PEAK1: variants seen among roughly 807,000 people sequenced by gnomAD.
PEAK1 encodes the protein inactive tyrosine-protein kinase PEAK1.
Under a neutral mutation model 124.7 loss-of-function variants are expected in PEAK1, and 54 were observed. The observed-to-expected ratio is 0.43, with a 90% CI of 0.35 to 0.54. PEAK1 has a LOEUF of 0.54. Ranked by LOEUF, PEAK1 falls within the 20% of genes least tolerant of loss-of-function variation. The pLI, the probability that PEAK1 is intolerant of heterozygous loss-of-function variation, is 0.01. For synonymous variants in PEAK1, 719 were observed against 760.0 expected (o/e 0.95, Z 0.89); for missense variants, 2,046 against 2,134.5 (o/e 0.96, Z 0.82).
At chr15:77,207,889 T>C (rs1402925831) in intron 6 of PEAK1, among the ~76,000 whole-genome samples, 1 of 152,204 alleles carries the variant, frequency 6.6e-6, no homozygotes, top group Non-Finnish European at 1.5e-5. Context: ...CATTTCCAGT[T>C]AGGCTTCCAA....
intron 2 of PEAK1, among the ~76,000 whole-genome samples, chr15:77,358,493 A>AG (rs1377307594): frequency 6.6e-6 from 1 of 152,230 alleles, no homozygotes; most frequent in Non-Finnish European, 1.5e-5. Context: ...ATTTTATTTG[A>AG]ACTTTCTCTG....
chr15:77,192,767 T>C (rs1198038709), intron 6 of PEAK1, among the ~76,000 whole-genome samples: 1 of 152,122 alleles, frequency 6.6e-6, no homozygotes, highest in Non-Finnish European at 1.5e-5. Context: ...TCAAGGCCAT[T>C]GCTAATAAGA....
intron 8 of PEAK1, among the ~76,000 whole-genome samples, chr15:77,153,754 T>C (rs2054870696): frequency 6.6e-6 from 1 of 152,206 alleles, no homozygotes; most frequent in South Asian, 2.1e-4. Context: ...CCAGTAGTCA[T>C]TCAGGAGCAG....
intron 2 of PEAK1, chr15:77,337,836 C>CTAAGA: frequency 5.1e-6 from 5 of 985,164 alleles, no homozygotes; most frequent in Non-Finnish European, 6.0e-6. Flanking sequence ...TGCAATAGAG[C>CTAAGA]TAAGAAGAGC....
intron 6 of PEAK1, among the ~76,000 whole-genome samples, chr15:77,240,499 A>C (rs928734383): frequency 6.6e-6 from 1 of 151,840 alleles, no homozygotes; most frequent in Non-Finnish European, 1.5e-5. Flanking sequence ...TTGTGTCTTT[A>C]GTCTCAGCTA....
chr15:77,231,722 T>A (rs1413559968), intron 6 of PEAK1, among the ~76,000 whole-genome samples: 1 of 152,184 alleles, frequency 6.6e-6, no homozygotes, highest in African/African-American at 2.4e-5. Context: ...ATTAATTGCA[T>A]ATGAAATTGT....
At chr15:77,190,104 G>C (rs2152832245) in intron 6 of PEAK1, among the ~76,000 whole-genome samples, 1 of 152,192 alleles carries the variant, frequency 6.6e-6, no homozygotes, top group South Asian at 2.1e-4. Context: ...TTATTGTCTT[G>C]TGTTACTTTA....
At chr15:77,226,044 G>GATATATATAATATATA (rs57675196) in intron 6 of PEAK1, among the ~76,000 whole-genome samples, 1 of 44,998 alleles carries the variant, frequency 2.2e-5, no homozygotes, top group African/African-American at 6.8e-5. Context: ...AAAATAAAGG[G>GATATATATAATATATA]ATATATATAT....
At chr15:77,384,466 C>T (rs1459318866) in intron 1 of PEAK1, among the ~76,000 whole-genome samples, 1 of 152,056 alleles carries the variant, frequency 6.6e-6, no homozygotes, top group Non-Finnish European at 1.5e-5. Context: ...TTTAAATGTA[C>T]AAAGAAAACT....
chr15:77,417,938 A>G (rs2073021721), intron 1 of PEAK1: 12 of 974,654 alleles, frequency 1.2e-5, no homozygotes, highest in Non-Finnish European at 1.5e-5. Flanking sequence ...TCTCAGACTT[A>G]AATATTTACA....
At chr15:77,258,540 G>C (rs2061284349) in intron 5 of PEAK1, among the ~76,000 whole-genome samples, 1 of 152,100 alleles carries the variant, frequency 6.6e-6, no homozygotes, top group African/African-American at 2.4e-5. Context: ...TCTGTTATTG[G>C]TGTATAAGAA....
chr15:77,380,450 G>T (rs944628106), intron 1 of PEAK1, among the ~76,000 whole-genome samples: 1 of 151,970 alleles, frequency 6.6e-6, no homozygotes, highest in Admixed American at 6.6e-5. Context: ...TTATGTACGT[G>T]GTCCACTGTC....
chr15:77,253,864 C>T (rs2060999528), intron 5 of PEAK1, among the ~76,000 whole-genome samples: 8 of 152,114 alleles, frequency 5.3e-5, no homozygotes, highest in Middle Eastern at 3.4e-3. Flanking sequence ...TGCTCTTTTG[C>T]CCAGGCTCAA....
chr15:77,333,303 T>C (rs181262484), intron 2 of PEAK1: 1 of 970,390 alleles, frequency 1.0e-6, no homozygotes, highest in East Asian at 1.1e-4. Context: ...TTTTGTGTGT[T>C]ATTATTTGTT....
intron 9 of PEAK1, among the ~76,000 whole-genome samples, chr15:77,117,431 T>C (rs568008403): frequency 5.5e-4 from 84 of 152,344 alleles, no homozygotes; most frequent in African/African-American, 1.9e-3. Context: ...ATCTGTAAAC[T>C]ACAAAGTTGT....
intron 5 of PEAK1, among the ~76,000 whole-genome samples, chr15:77,276,665 A>C (rs1431290367): frequency 2.0e-5 from 3 of 152,172 alleles, no homozygotes; most frequent in African/African-American, 4.8e-5. Flanking sequence ...GGATGACAGG[A>C]GGAGGAAAAA....
At chr15:77,344,038 G>A (rs1424547154) in intron 2 of PEAK1, among the ~76,000 whole-genome samples, 4 of 151,988 alleles carry the variant, frequency 2.6e-5, no homozygotes, top group Non-Finnish European at 5.9e-5. Context: ...GAATGGTCTC[G>A]CCACCCTTGT....
chr15:77,342,792 C>A (rs1021239678), intron 2 of PEAK1, among the ~76,000 whole-genome samples: 2 of 152,138 alleles, frequency 1.3e-5, no homozygotes, highest in Non-Finnish European at 2.9e-5. Context: ...AACAGGATTT[C>A]TTTCCTTTCT....
intron 2 of PEAK1, among the ~76,000 whole-genome samples, chr15:77,323,044 C>A (rs538461412): frequency 6.6e-6 from 1 of 152,286 alleles, no homozygotes; most frequent in East Asian, 1.9e-4. Context: ...ACATGATTAT[C>A]TCAATAGATG....
Sources: gnomAD v4.1 joint callset for allele counts (sites outside exome capture counted in the v4.1 genomes callset) on GRCh38, gnomAD v4.1.1 for gene constraint, MANE v1.5 for transcripts, NCBI Gene and HGNC (gene_info 2026-07-23, HGNC 2026-07-21) for gene names.